Variants in MYRFL observed in about 807,000 individuals in gnomAD.
MYRFL encodes the protein myelin regulatory factor like.
Under a neutral mutation model 109.4 loss-of-function variants are expected in MYRFL, and 88 were observed. The observed-to-expected ratio is 0.80, with a 90% CI of 0.68 to 0.96. MYRFL has a LOEUF of 0.96. Among genes scored for constraint, MYRFL ranks in the 40% least tolerant of loss-of-function variants. The pLI, the probability that MYRFL is intolerant of heterozygous loss-of-function variation, is 0.00. For missense variants in MYRFL, 957 were observed against 954.9 expected (o/e 1.00, Z -0.03); for synonymous variants, 324 against 320.9 (o/e 1.01, Z -0.10).
chr12:69,898,782 A>T (rs1954086671), intron 10 of MYRFL, among the ~76,000 whole-genome samples: 1 of 152,204 alleles, frequency 6.6e-6, no homozygotes, highest in African/African-American at 2.4e-5. Flanking sequence ...ACCTAGTGAC[A>T]AGGTTTCTCC....
chr12:69,921,872 C>T (rs547735507), intron 13 of MYRFL, among the ~76,000 whole-genome samples: 4 of 152,224 alleles, frequency 2.6e-5, no homozygotes, highest in African/African-American at 9.6e-5. Context: ...ATTGAAAGTC[C>T]TGTTGAGGAA....
intron 1 of MYRFL, among the ~76,000 whole-genome samples, chr12:69,836,619 GAC>G (rs1196091613): frequency 6.6e-6 from 1 of 152,148 alleles, no homozygotes; most frequent in Non-Finnish European, 1.5e-5. Flanking sequence ...TCAGAAGAGG[GAC>G]ACTTTAAAAT....
rs538789771 is a variant in MYRFL at position 69,884,618 on chromosome 12, T to G, written c.557-2202T>G. Among the ~76,000 whole-genome samples the G allele has an allele frequency of 2.0e-5, 3 of 152,326 alleles. No individual in the cohort carries two copies. In the East Asian group the frequency reaches 5.8e-4, roughly 29 times the overall value. On this transcript the variant is annotated intron_variant, in intron 5 of 24. Coordinates refer to ENST00000552032, the MANE Select transcript of MYRFL (RefSeq NM_182530.3). ...GGAAAGGGCATGATTTAGCCAGTATTCAGTCAGGAACATGGGCTAGTTATT... is the reference window on the plus strand; with the variant it reads ...GGAAAGGGCATGATTTAGCCAGTATGCAGTCAGGAACATGGGCTAGTTATT...
rs551392819 is a variant in MYRFL, at chr12:69,851,871, A to T, written c.47-3409A>T. Among the ~76,000 whole-genome samples, 6 of 152,284 alleles carry T rather than the reference A, an allele frequency of 3.9e-5. No homozygotes were observed. In the South Asian group the frequency reaches 8.3e-4, roughly 21 times the overall value. On this transcript the variant is annotated intron_variant, in intron 1 of 24. Transcript: ENST00000552032. ...GACATGGGGTTTCGCTACGTTGCCC[A>T]GGCTGGTCTCCAACTCCTGAGTTCA...
chr12:69,880,937 C>T (rs865970538), intron 5 of MYRFL, among the ~76,000 whole-genome samples: 1 of 128,610 alleles, frequency 7.8e-6, no homozygotes, highest in African/African-American at 2.7e-5. Flanking sequence ...AATGTCCAAG[C>T]GGTCAGCCTT....
At position 69,890,975 on chromosome 12, in the gene MYRFL, G is replaced by C. The variant is rs1191805770; in HGVS notation, c.712G>C (p.Asp238His). The stretch of plus-strand genomic sequence containing the variant: ...TCTTGGTTTCTCTTTTCATAGACCT[G>C]ATGTGGGCTATCGAGTTGTAACAGA... The part of the protein sequence containing the change: ...LLNSHYEKLP[D>H]VGYRVVTDKG... The change falls in exon 7 of 25, where the codon GAT (aspartate) becomes CAT (histidine). Residue 238 changes from aspartate (D) to histidine (H), a missense_variant. Physicochemically the swap from Asp to His is moderately conservative, Grantham distance 81 (BLOSUM62 -1). Transcript: ENST00000552032. The C allele has an allele frequency of 6.6e-7, 1 of 1,507,666 alleles. No individual in the cohort carries two copies. Among genetic ancestry groups the C allele is most frequent in the African/African-American group, 1.4e-5 (1 of 71,872 alleles). 93.4% of individuals were successfully genotyped at this position (1,507,666 alleles called of 1,614,324 possible).
chr12:69,932,503 C>T lies in MYRFL; in HGVS notation c.1831-10C>T, dbSNP rs759316177. On this transcript the variant is annotated splice_polypyrimidine_tract_variant and intron_variant, in intron 15 of 24. Transcript: ENST00000552032. ...AATTTATCACTGCTCATTACTGAAC[C>T]TTTTTATAGGTTTATTTTTCAGGAA... The T allele has an allele frequency of 1.3e-6, 2 of 1,532,062 alleles. No individual in the cohort carries two copies. The highest frequency in any genetic ancestry group is 2.4e-5 in the South Asian group (2 of 83,960). The allele number at this position is 1,532,062 out of a possible 1,614,324, so 94.9% of individuals were successfully genotyped here. A position where few individuals can be genotyped will look rare whatever the true frequency, so the allele number is the denominator to read the frequency against.
intron 19 of MYRFL, among the ~76,000 whole-genome samples, chr12:69,940,136 T>C (rs1177342882): frequency 2.0e-5 from 3 of 152,006 alleles, no homozygotes; most frequent in African/African-American, 7.3e-5. Context: ...CTGCAGGATA[T>C]TACCCAGGAG....
At chr12:69,841,632 T>C (rs1439595601) in intron 1 of MYRFL, among the ~76,000 whole-genome samples, 1 of 152,178 alleles carries the variant, frequency 6.6e-6, no homozygotes, top group Non-Finnish European at 1.5e-5. Flanking sequence ...TTCACAGCAT[T>C]CAAGGCCCTA....
chr12:69,937,609 A>G (rs1437107007), intron 19 of MYRFL, among the ~76,000 whole-genome samples: 1 of 152,258 alleles, frequency 6.6e-6, no homozygotes, highest in Non-Finnish European at 1.5e-5. Flanking sequence ...TATAACACAT[A>G]TCACCTCTGC....
intron 1 of MYRFL, among the ~76,000 whole-genome samples, chr12:69,825,961 G>A (rs1204890005): frequency 6.6e-6 from 1 of 152,062 alleles, no homozygotes; most frequent in African/African-American, 2.4e-5. Context: ...TTTGCATGAG[G>A]GAGTATGAGA....
intron 11 of MYRFL, among the ~76,000 whole-genome samples, chr12:69,904,974 G>A (rs978390947): frequency 1.3e-5 from 2 of 152,194 alleles, no homozygotes; most frequent in African/African-American, 4.8e-5. Flanking sequence ...CCAAAGAATG[G>A]TTGTAATTGT....
chr12:69,932,862 C>CGTGTGTGTGTGTGTGT (rs3970822), intron 16 of MYRFL, among the ~76,000 whole-genome samples: 468 of 149,452 alleles, frequency 3.1e-3, no homozygotes, highest in African/African-American at 7.2e-3. Context: ...CTGTGCCTTT[C>CGTGTGTGTGTGTGTGT]GTGTGTGTGT....
intron 1 of MYRFL, among the ~76,000 whole-genome samples, chr12:69,852,579 A>ATTTTTTTTT (rs61145700): frequency 2.2e-4 from 25 of 112,152 alleles, no homozygotes; most frequent in Non-Finnish European, 3.4e-4. Flanking sequence ...TTAATTTTTA[A>ATTTTTTTTT]TTTTTTTTTT....
chr12:69,926,076 A>G (rs1566030024), intron 13 of MYRFL, among the ~76,000 whole-genome samples: 1 of 141,532 alleles, frequency 7.1e-6, no homozygotes, highest in African/African-American at 3.0e-5. Context: ...AGACAATTCA[A>G]CATCATTCAG....
intron 19 of MYRFL, 127 bp downstream of exon 19, chr12:69,936,759 A>G: frequency 1.2e-6 from 1 of 827,014 alleles, no homozygotes. Flanking sequence ...GGGTGGCAAA[A>G]TCTTTAAAAC....
At chr12:69,917,281 C>A (rs557072371) in intron 13 of MYRFL, among the ~76,000 whole-genome samples, 1 of 152,280 alleles carries the variant, frequency 6.6e-6, no homozygotes, top group East Asian at 1.9e-4. Flanking sequence ...AGACCCTATC[C>A]ACCCCCTCGG....
chr12:69,840,712 A>C (rs1055368664), intron 1 of MYRFL, among the ~76,000 whole-genome samples: 6 of 152,182 alleles, frequency 3.9e-5, no homozygotes, highest in African/African-American at 1.2e-4. Flanking sequence ...CTGAACAGGA[A>C]AGGCAATGAA....
chr12:69,850,404 T>G (rs1171560757), intron 1 of MYRFL, among the ~76,000 whole-genome samples: 1 of 151,770 alleles, frequency 6.6e-6, no homozygotes, highest in East Asian at 1.9e-4. Flanking sequence ...TTTAACAGAA[T>G]AAAAATAACT....
Sources: allele counts gnomAD v4.1 joint callset (sites outside exome capture counted in the v4.1 genomes callset), GRCh38; gene constraint gnomAD v4.1.1; transcripts MANE v1.5; gene names NCBI Gene and HGNC (gene_info 2026-07-23, HGNC 2026-07-21).